Variants in CD300C observed in about 807,000 individuals in gnomAD.
CD300C encodes CD300c molecule, also known as CMRF35-like molecule 6.
A neutral mutation model predicts 18.4 loss-of-function variants in CD300C; 11 were observed. The ratio of observed to expected loss-of-function variants is 0.60; its 90% CI spans 0.38 to 0.99. The LOEUF (loss-of-function observed/expected upper bound fraction) is 0.99. Among genes scored for constraint, CD300C ranks in the 50% least tolerant of loss-of-function variants. The probability of loss-of-function intolerance (pLI) is 0.01; values close to 1 mark genes in which losing one functional copy is unlikely to be tolerated. For missense variants in CD300C, 277 were observed against 287.4 expected (o/e 0.96, Z 0.26); for synonymous variants, 116 against 116.3 (o/e 1.00, Z 0.02).
In CD300C at chr17:74,541,734, G is replaced by A. The variant is rs758092230; in HGVS notation, c.530C>T (p.Ser177Phe). 3.1e-6 allele frequency: 5 copies of A among 1,612,760 alleles called. No individual in the cohort carries two copies. In the African/African-American group the frequency reaches 4.0e-5, roughly 13 times the overall value. The stretch of plus-strand genomic sequence containing the variant: ...CAGGAAGCGGACATTGCTGAACAGG[G>A]AGCTGTGGGGACACGGTGACAGGCA... The part of the protein sequence containing the change: ...DSPEPSPHPG[S>F]LFSNVRFLLL... The change falls in exon 4 of 4, where the codon TCC becomes TTC. Residue 177 changes from serine to phenylalanine, a missense_variant and splice_region_variant. Ser to Phe is a radical substitution (Grantham distance 155, BLOSUM62 -2). Transcript: ENST00000330793.
chr17:74,546,038 T>C lies in CD300C; in HGVS notation c.-256A>G. ...CTCTCAACCCTGACGTCTGGCAAAG[T>C]CCAGGGTCCCTTGGGTGGCGATGCA... On this transcript the variant is annotated 5_prime_UTR_variant, in exon 1 of 4. Coordinates refer to ENST00000330793, the MANE Select transcript of CD300C (RefSeq NM_006678.5). The C allele has an allele frequency of 2.1e-6, 1 of 467,768 alleles. No individual in the cohort carries two copies. The highest frequency in any genetic ancestry group is 3.6e-5 in the East Asian group (1 of 27,790). 29.0% of individuals were successfully genotyped at this position (467,768 alleles called of 1,614,324 possible). A position where few individuals can be genotyped will look rare whatever the true frequency, so the allele number is the denominator to read the frequency against.
downstream of CD300C, among the ~76,000 whole-genome samples, chr17:74,538,807 A>G (rs1390068964): frequency 6.6e-6 from 1 of 152,198 alleles, no homozygotes; most frequent in Non-Finnish European, 1.5e-5. Flanking sequence ...TCACAGATAA[A>G]CTGGCACCTG....
rs16978093 is a variant in CD300C, at chr17:74,541,349, G to T, written c.*240C>A. On this transcript the variant is annotated 3_prime_UTR_variant, in exon 4 of 4. Transcript: ENST00000330793. ...CCGGGCACTCAGAGGTATTGCTGAC[G>T]GCCCGAGGCTTAGCTGGCCGGGGCG... is the stretch of plus-strand genomic sequence containing the variant. 0.043 allele frequency: 19,370 copies of T among 451,498 alleles called. 1,716 individuals carry two copies. The highest frequency in any genetic ancestry group is 0.25 in the African/African-American group (12,635 of 50,524). 28.0% of individuals were successfully genotyped at this position (451,498 alleles called of 1,614,324 possible).
chr17:74,541,951 C>T (rs1908566454), intron 3 of CD300C, among the ~76,000 whole-genome samples: 1 of 152,204 alleles, frequency 6.6e-6, no homozygotes, highest in African/African-American at 2.4e-5. Flanking sequence ...AGGGCAGGAC[C>T]ATGAGAGGAC....
chr17:74,538,284 G>C (rs563754580), downstream of CD300C, among the ~76,000 whole-genome samples: 1 of 152,138 alleles, frequency 6.6e-6, no homozygotes, highest in Non-Finnish European at 1.5e-5. Flanking sequence ...CCTCCCCACC[G>C]AGCTTCTCTG....
downstream of CD300C, among the ~76,000 whole-genome samples, chr17:74,539,823 CT>C (rs200250198): frequency 5.4e-3 from 825 of 152,314 alleles, 9 homozygotes; most frequent in African/African-American, 0.019. Flanking sequence ...ACATTTCCCT[CT>C]TGTGTTTATC....
downstream of CD300C, among the ~76,000 whole-genome samples, chr17:74,537,262 C>T (rs1020195365): frequency 2.6e-5 from 4 of 152,058 alleles, no homozygotes; most frequent in Admixed American, 2.0e-4. Context: ...GAGGGATGTG[C>T]GAGTTATGGT....
At chr17:74,544,481 A>T in intron 2 of CD300C, 128 bp downstream of exon 2, 1 of 940,174 alleles carries the variant, frequency 1.1e-6, no homozygotes, top group Non-Finnish European at 1.6e-6. Context: ...ATCCACACAC[A>T]GCGGCACACA....
the CD300C span, among the ~76,000 whole-genome samples, chr17:74,534,667 C>G: frequency 6.6e-6 from 1 of 152,158 alleles, no homozygotes; most frequent in Non-Finnish European, 1.5e-5. Flanking sequence ...TCTCACTTCT[C>G]TTTCTAGATG....
intron 3 of CD300C, 30 bp downstream of exon 3, chr17:74,542,831 G>C: frequency 6.3e-7 from 1 of 1,583,818 alleles, no homozygotes; most frequent in Non-Finnish European, 8.5e-7. Context: ...GGCCGCCAGC[G>C]TGGCCCAGTC....
rs536209612 is a variant in CD300C at position 74,545,785 on chromosome 17, C to G, written c.-3G>C. 6 of 1,605,572 alleles carry G rather than the reference C, an allele frequency of 3.7e-6. No individual in the cohort carries two copies. Among genetic ancestry groups the G allele is most frequent in the South Asian group, 2.2e-5 (2 of 89,636 alleles). ...GAGGCCCAGGCCCTGGCAGTCATTC[C>G]TGTAACACGAATGTCACCTGCCACT... is the stretch of plus-strand genomic sequence containing the variant. On this transcript the variant is annotated 5_prime_UTR_variant, in exon 1 of 4. Coordinates refer to ENST00000330793, the MANE Select transcript of CD300C (RefSeq NM_006678.5).
downstream of CD300C, among the ~76,000 whole-genome samples, chr17:74,537,152 GGGA>G (rs1297446256): frequency 2.0e-5 from 3 of 150,842 alleles, no homozygotes; most frequent in Admixed American, 6.6e-5. Context: ...GAAGAGGAAG[GGGA>G]AGACGAGAGA....
chr17:74,545,142 A>G (rs565880661), intron 1 of CD300C, among the ~76,000 whole-genome samples, 195 bp from the exon 2 acceptor site: 8 of 152,256 alleles, frequency 5.3e-5, no homozygotes, highest in South Asian at 2.1e-4. Flanking sequence ...GGAAGTTTCC[A>G]TGGAGACTGG....
downstream of CD300C, among the ~76,000 whole-genome samples, chr17:74,537,061 A>AAGGAGGAGGAGG (rs55795122): frequency 3.6e-5 from 5 of 137,986 alleles, no homozygotes; most frequent in African/African-American, 1.3e-4. Context: ...AAAAGAAGAA[A>AAGGAGGAGGAGG]AGGAGGAGGA....
At chr17:74,537,044 A>G (rs967769067), downstream of CD300C, among the ~76,000 whole-genome samples, 2 of 140,424 alleles carry the variant, frequency 1.4e-5, no homozygotes, top group Non-Finnish European at 3.0e-5. Flanking sequence ...AAGAGGGAGG[A>G]AAAGAAAAAA....
At position 74,541,474 on chromosome 17, in the gene CD300C, C is replaced by T; in HGVS notation, c.*115G>A. 2.7e-6 allele frequency: 2 copies of T among 745,438 alleles called. No homozygotes were observed. Among genetic ancestry groups the T allele is most frequent in the South Asian group, 3.1e-5 (2 of 64,986 alleles). 46.2% of individuals were successfully genotyped at this position (745,438 alleles called of 1,614,324 possible). A position where few individuals can be genotyped will look rare whatever the true frequency, so the allele number is the denominator to read the frequency against. On this transcript the variant is annotated 3_prime_UTR_variant, in exon 4 of 4. Transcript: ENST00000330793. ...CACAGGGAAAAGGCTGAAGGAGGCT[C>T]ACAAAGGATTCCAGGAGATGTGGAG...
At chr17:74,543,108 ATC>A in intron 2 of CD300C, 121 bp from the exon 3 acceptor site, 5 of 1,375,668 alleles carry the variant, frequency 3.6e-6, no homozygotes, top group Non-Finnish European at 5.1e-6. Context: ...GATGCCCTGC[ATC>A]CATCATGCCC....
chr17:74,544,601 G>A lies in CD300C; in HGVS notation c.400+8C>T. 1 of 1,603,998 alleles carries A rather than the reference G, an allele frequency of 6.2e-7. No homozygotes were observed. Among genetic ancestry groups the A allele is most frequent in the Non-Finnish European group, 8.5e-7 (1 of 1,172,794 alleles). The stretch of plus-strand genomic sequence containing the variant: ...GCAGGCCTGGTGCTGAGAAAAGGAG[G>A]GGCTCACCCGGGAACACGGACACCT... On this transcript the variant is annotated splice_region_variant and intron_variant, in intron 2 of 3. Coordinates refer to ENST00000330793, the MANE Select transcript of CD300C (RefSeq NM_006678.5).
At chr17:74,542,265 G>A (rs541025809) in intron 3 of CD300C, among the ~76,000 whole-genome samples, 2 of 152,168 alleles carry the variant, frequency 1.3e-5, no homozygotes, top group Non-Finnish European at 2.9e-5. Flanking sequence ...TTATCAAACA[G>A]GATGAAACTC....
Sources: allele counts gnomAD v4.1 joint callset (sites outside exome capture counted in the v4.1 genomes callset), GRCh38; gene constraint gnomAD v4.1.1; transcripts MANE v1.5; gene names NCBI Gene and HGNC (gene_info 2026-07-23, HGNC 2026-07-21).